The following TMEM154 variants were observed in gnomAD, a reference collection of about 807,000 sequenced individuals.
TMEM154 encodes the protein transmembrane protein 154.
In TMEM154, 27 loss-of-function variants were observed where a neutral mutation model predicts 24.5. That is an observed-to-expected ratio of 1.10 (90% confidence interval 0.81 to 1.52). The LOEUF (loss-of-function observed/expected upper bound fraction) is 1.52. Ranked by LOEUF, TMEM154 falls within the 40% of genes most tolerant of loss-of-function variation. TMEM154 has a pLI of 0.00. For synonymous variants in TMEM154, 67 were observed against 76.8 expected (o/e 0.87, Z 0.67); for missense variants, 228 against 213.4 (o/e 1.07, Z -0.43).
chr4:152,636,800 G>C (rs1279414687), intron 6 of TMEM154, among the ~76,000 whole-genome samples: 1 of 152,234 alleles, frequency 6.6e-6, no homozygotes, highest in East Asian at 1.9e-4. Flanking sequence ...TGTCAGGCAT[G>C]TCTTTCTAGC....
At chr4:152,665,267 G>A (rs773821623) in intron 1 of TMEM154, among the ~76,000 whole-genome samples, 14 of 152,144 alleles carry the variant, frequency 9.2e-5, no homozygotes, top group African/African-American at 3.4e-4. Context: ...AATTTTTACA[G>A]TTCTCCTTGT....
chr4:152,640,812 A>C (rs1752240633), intron 6 of TMEM154, 116 bp downstream of exon 6: 1 of 847,976 alleles, frequency 1.2e-6, no homozygotes, highest in Non-Finnish European at 1.9e-6. Context: ...AGCCGCGTAA[A>C]TGATCTCATA....
intron 1 of TMEM154, among the ~76,000 whole-genome samples, chr4:152,662,449 A>G (rs1728630785): frequency 6.6e-6 from 1 of 152,232 alleles, no homozygotes; most frequent in Non-Finnish European, 1.5e-5. Context: ...TGGCAAACAA[A>G]GATGAGCCAT....
chr4:152,664,647 T>C (rs781085017), intron 1 of TMEM154, among the ~76,000 whole-genome samples: 18 of 152,194 alleles, frequency 1.2e-4, no homozygotes, highest in Non-Finnish European at 2.2e-4. Context: ...ACATTAGTAA[T>C]ACAATGTGAA....
At chr4:152,639,943 A>G (rs1752225299) in intron 6 of TMEM154, among the ~76,000 whole-genome samples, 1 of 152,048 alleles carries the variant, frequency 6.6e-6, no homozygotes, top group Admixed American at 6.6e-5. Flanking sequence ...GTGAGGAGAG[A>G]TTTGGGATGG....
chr4:152,655,304 A>G (rs961418629), intron 1 of TMEM154, among the ~76,000 whole-genome samples: 4 of 152,208 alleles, frequency 2.6e-5, no homozygotes, highest in Non-Finnish European at 5.9e-5. Context: ...GTAGTGGTCC[A>G]TATTTCCACT....
intron 1 of TMEM154, among the ~76,000 whole-genome samples, chr4:152,676,460 G>A (rs1458065805): frequency 6.6e-6 from 1 of 152,332 alleles, no homozygotes; most frequent in East Asian, 1.9e-4. Context: ...AATTAGCTGT[G>A]TGACCTTGGG....
At chr4:152,650,468 G>C (rs1728355866) in intron 3 of TMEM154, among the ~76,000 whole-genome samples, 1 of 152,036 alleles carries the variant, frequency 6.6e-6, no homozygotes, top group Non-Finnish European at 1.5e-5. Flanking sequence ...GGCATCTTCA[G>C]GCTTCACTTC....
At chr4:152,645,976 C>CAG (rs1357232415) in intron 3 of TMEM154, among the ~76,000 whole-genome samples, 14 of 145,560 alleles carry the variant, frequency 9.6e-5, no homozygotes, top group Admixed American at 2.7e-4. Flanking sequence ...CACACACACA[C>CAG]ACAGACACCA....
intron 1 of TMEM154, among the ~76,000 whole-genome samples, chr4:152,655,876 C>A (rs1728481748): frequency 6.6e-6 from 1 of 152,144 alleles, no homozygotes; most frequent in Non-Finnish European, 1.5e-5. Context: ...GATTGCTTCA[C>A]CCCTACCTAT....
intron 1 of TMEM154, among the ~76,000 whole-genome samples, chr4:152,655,872 T>C (rs1361900025): frequency 1.3e-5 from 2 of 152,138 alleles, no homozygotes; most frequent in East Asian, 3.9e-4. Flanking sequence ...TGGGGATTGC[T>C]TCACCCCTAC....
Position 152,627,744 on chromosome 4 carries a change from C to T in TMEM154, c.*802G>A, listed in dbSNP as rs1751943199. ...CCCACCTGCACATACTTCCTACCTACATGTCACATCCAAGGGAGGTATGGT... is the reference window on the plus strand; with the variant it reads ...CCCACCTGCACATACTTCCTACCTATATGTCACATCCAAGGGAGGTATGGT... On this transcript the variant is annotated 3_prime_UTR_variant, in exon 7 of 7. Coordinates refer to ENST00000304385, the MANE Select transcript of TMEM154 (RefSeq NM_152680.3). 6.6e-6 allele frequency: 1 copy of T among 152,232 alleles called. No individual in the cohort carries two copies. Among genetic ancestry groups the T allele is most frequent in the Non-Finnish European group, 1.5e-5 (1 of 68,034 alleles). 9.4% of individuals were successfully genotyped at this position (152,232 alleles called of 1,614,324 possible). A position where few individuals can be genotyped will look rare whatever the true frequency, so the allele number is the denominator to read the frequency against.
At chr4:152,644,822 G>A (rs1365582563) in intron 3 of TMEM154, among the ~76,000 whole-genome samples, 1 of 152,222 alleles carries the variant, frequency 6.6e-6, no homozygotes, top group Non-Finnish European at 1.5e-5. Flanking sequence ...AAAGGCTGCT[G>A]CTTCATCTCC....
chr4:152,639,197 T>C (rs1474502999), intron 6 of TMEM154, among the ~76,000 whole-genome samples: 2 of 152,176 alleles, frequency 1.3e-5, no homozygotes, highest in African/African-American at 4.8e-5. Flanking sequence ...GTGATCTGCC[T>C]GCCTCAGCCT....
In TMEM154 at chr4:152,675,633, GA is replaced by G. The variant is rs112181556; in HGVS notation, c.64+4236del. On this transcript the variant is annotated intron_variant, in intron 1 of 6. Transcript: ENST00000304385. ...CGAGAGTGAAACTCTGTCTCAAAAA[GA>G]AAAAAAAAAAACAAATTTTCTAGAA... 2.9e-3 allele frequency among the ~76,000 whole-genome samples: 370 copies of G among 128,884 alleles called. 1 individual carries two copies. Among genetic ancestry groups the G allele is most frequent in the Middle Eastern group, 7.9e-3 (2 of 252 alleles). The allele number at this position is 128,884 out of a possible 152,430, so 84.6% of individuals were successfully genotyped here.
intron 3 of TMEM154, 42 bp downstream of exon 3, chr4:152,652,496 A>G: frequency 6.2e-7 from 1 of 1,610,390 alleles, no homozygotes; most frequent in Non-Finnish European, 8.5e-7. Context: ...TCCTTCTCCA[A>G]TCCCACCCCC....
At chr4:152,669,112 A>C (rs1165128670) in intron 1 of TMEM154, 2 of 152,126 alleles carry the variant, frequency 1.3e-5, no homozygotes, top group Non-Finnish European at 2.9e-5. Flanking sequence ...TTCCTAACTT[A>C]GTTTTTAACG....
At chr4:152,654,444 G>A (rs920565663) in intron 1 of TMEM154, among the ~76,000 whole-genome samples, 2 of 152,170 alleles carry the variant, frequency 1.3e-5, no homozygotes, top group African/African-American at 4.8e-5. Flanking sequence ...CCATGACAAT[G>A]GAGTCCTCTG....
At chr4:152,647,407 C>T in intron 3 of TMEM154, 2 of 873,986 alleles carry the variant, frequency 2.3e-6, no homozygotes, top group Non-Finnish European at 2.7e-6. Flanking sequence ...GAAAAGTTGT[C>T]CATCTGTTAA....
Sources: gnomAD v4.1 joint callset for allele counts (sites outside exome capture counted in the v4.1 genomes callset) on GRCh38, gnomAD v4.1.1 for gene constraint, MANE v1.5 for transcripts, NCBI Gene and HGNC (gene_info 2026-07-23, HGNC 2026-07-21) for gene names.